USP34: variants seen among roughly 807,000 people sequenced by gnomAD.
USP34 encodes ubiquitin carboxyl-terminal hydrolase 34.
In USP34, 70 loss-of-function variants were observed where a neutral mutation model predicts 460.3. The observed-to-expected ratio is 0.15, with a 90% CI of 0.13 to 0.19. The LOEUF (loss-of-function observed/expected upper bound fraction) is 0.19. Among genes scored for constraint, USP34 ranks in the 10% least tolerant of loss-of-function variants. USP34 has a pLI of 1.00. For missense variants in USP34, 3,985 were observed against 4,236.2 expected (o/e 0.94, Z 1.65); for synonymous variants, 1,647 against 1,405.3 (o/e 1.17, Z -3.85).
intron 26 of USP34, 44 bp downstream of exon 26, chr2:61,311,740 C>T (rs373458008): frequency 1.2e-6 from 2 of 1,609,498 alleles, no homozygotes; most frequent in African/African-American, 1.3e-5. Context: ...AGATATTTGA[C>T]CTGGGAAATG....
intron 1 of USP34, among the ~76,000 whole-genome samples, chr2:61,468,648 G>A (rs1695856737): frequency 6.6e-6 from 1 of 152,162 alleles, no homozygotes; most frequent in Non-Finnish European, 1.5e-5. Flanking sequence ...GTTTCTTAGA[G>A]GGTGCACATG....
At chr2:61,194,437 T>C (rs1356569688) in intron 75 of USP34, among the ~76,000 whole-genome samples, 1 of 152,238 alleles carries the variant, frequency 6.6e-6, no homozygotes, top group Non-Finnish European at 1.5e-5. Flanking sequence ...GTTAGCAAAC[T>C]ATGGCCCTCA....
At chr2:61,469,299 G>C (rs1485128186) in intron 1 of USP34, among the ~76,000 whole-genome samples, 3 of 152,240 alleles carry the variant, frequency 2.0e-5, no homozygotes, top group African/African-American at 4.8e-5. Flanking sequence ...CAAGTTGAGC[G>C]TAACAATCAT....
chr2:61,386,878 A>C (rs1212457580), intron 5 of USP34, among the ~76,000 whole-genome samples: 3 of 152,220 alleles, frequency 2.0e-5, no homozygotes, highest in Non-Finnish European at 4.4e-5. Flanking sequence ...AACCTTAACC[A>C]TAAAGAAAAA....
At chr2:61,356,357 G>A (rs1408393818) in intron 10 of USP34, among the ~76,000 whole-genome samples, 1 of 152,074 alleles carries the variant, frequency 6.6e-6, no homozygotes, top group Non-Finnish European at 1.5e-5. Flanking sequence ...GGCACGGTGG[G>A]CATGTGCCCA....
chr2:61,257,293 T>C lies in USP34; in HGVS notation c.5902A>G (p.Lys1968Glu). 6.2e-7 allele frequency: 1 copy of C among 1,613,270 alleles called. No homozygotes were observed. Among genetic ancestry groups the C allele is most frequent in the Non-Finnish European group, 8.5e-7 (1 of 1,179,598 alleles). ...RPFCKTYTMDKQPLNTGEQKD... is the reference protein window; with the variant it reads ...RPFCKTYTMDEQPLNTGEQKD... ...TGTTCCCCAGTATTCAGAGGCTGCT[T>C]ATCCATGGTGTATGTTTTACAGAAA... Residue 1968 changes from lysine (K) to glutamate (E), a missense_variant, in exon 45 of 80, where the codon AAG becomes GAG. Around this residue, in one of 14 missense-constraint regions of USP34, gnomAD observed 145 missense variants for 291.6 expected, o/e 0.50. Coordinates refer to ENST00000398571, the MANE Select transcript of USP34 (RefSeq NM_014709.4).
chr2:61,220,151 TAAAAAAAAAAA>T (rs60784334), intron 67 of USP34, 148 bp downstream of exon 67: 33,811 of 168,858 alleles, frequency 0.2, 833 homozygotes, highest in Middle Eastern at 0.22. Context: ...TTTCCTATCC[TAAAAAAAAAAA>T]AAAAAAAAAA....
chr2:61,442,440 A>C (rs1345447843), intron 1 of USP34, among the ~76,000 whole-genome samples: 2 of 152,098 alleles, frequency 1.3e-5, no homozygotes, highest in Non-Finnish European at 2.9e-5. Context: ...CCAATTAAAA[A>C]TGCACACACA....
chr2:61,402,189 T>G (rs1383273121), intron 3 of USP34, among the ~76,000 whole-genome samples: 1 of 151,962 alleles, frequency 6.6e-6, no homozygotes, highest in Non-Finnish European at 1.5e-5. Context: ...CTGAGGTGGG[T>G]GGATCGTTTG....
intron 67 of USP34, among the ~76,000 whole-genome samples, chr2:61,215,046 C>G (rs1687359397): frequency 6.6e-6 from 1 of 152,168 alleles, no homozygotes; most frequent in South Asian, 2.1e-4. Flanking sequence ...AGTCAGAAGA[C>G]CTACCAAAAG....
intron 3 of USP34, among the ~76,000 whole-genome samples, chr2:61,397,441 TAAAAAAAAAA>T (rs35650295): frequency 7.6e-6 from 1 of 131,276 alleles, no homozygotes; most frequent in Non-Finnish European, 1.6e-5. Context: ...AGGCTCCATC[TAAAAAAAAAA>T]AAAAAAAAAT....
rs1178005687 is a variant in USP34, at chr2:61,227,081, C to G, written c.7581G>C (p.Gln2527His). ...AAACATTTCACCTTTCTGATCGAGA[C>G]TGTTCAACCAAAAGAGCAACTAAAG... ...MIALVALLVE[Q>H]SRSERHLTLS... The change falls in exon 62 of 80, where the codon CAG becomes CAC. Residue 2527 changes from glutamine (Q) to histidine (H), a missense_variant. Physicochemically the swap from Gln to His is conservative, Grantham distance 24. Around this residue, in one of 14 missense-constraint regions of USP34, gnomAD observed 604 missense variants for 684.8 expected, o/e 0.88. Transcript: ENST00000398571. The G allele has an allele frequency of 1.9e-6, 3 of 1,609,698 alleles. No homozygotes were observed. Among genetic ancestry groups the G allele is most frequent in the Non-Finnish European group, 2.5e-6 (3 of 1,179,068 alleles).
At chr2:61,193,365 T>TAAAAAAAAAGAA (rs1686696292) in intron 75 of USP34, 1 of 97,234 alleles carries the variant, frequency 1.0e-5, no homozygotes, top group African/African-American at 3.8e-5. Flanking sequence ...AGGGGAAAGG[T>TAAAAAAAAAGAA]AAAAAAAAAA....
chr2:61,380,438 A>G (rs1004457743), intron 6 of USP34, 77 bp from the exon 7 acceptor site: 1 of 1,424,240 alleles, frequency 7.0e-7, no homozygotes, highest in African/African-American at 1.4e-5. Flanking sequence ...CTTAAAATGT[A>G]CATTGTAAGC....
At chr2:61,259,121 T>C (rs1688802692) in intron 44 of USP34, among the ~76,000 whole-genome samples, 1 of 151,922 alleles carries the variant, frequency 6.6e-6, no homozygotes, top group Non-Finnish European at 1.5e-5. Context: ...TAGCCAGGCG[T>C]GGTGGTGTGC....
At chr2:61,394,085 C>A (rs1693440238) in intron 5 of USP34, among the ~76,000 whole-genome samples, 1 of 152,076 alleles carries the variant, frequency 6.6e-6, no homozygotes, top group African/African-American at 2.4e-5. Context: ...TGCACCACTG[C>A]ACTCCAGCCT....
chr2:61,191,269 T>C (rs1686633126), intron 76 of USP34: 1 of 152,282 alleles, frequency 6.6e-6, no homozygotes, highest in East Asian at 1.9e-4. Context: ...TTTCAAATAG[T>C]CATGGCTCTT....
intron 15 of USP34, among the ~76,000 whole-genome samples, chr2:61,346,881 T>G (rs1379539072): frequency 1.4e-5 from 2 of 144,152 alleles, no homozygotes; most frequent in Non-Finnish European, 3.0e-5. Context: ...CTCACACCTG[T>G]GATCCCAGCA....
chr2:61,194,571 CA>C (rs1489798281), intron 75 of USP34, among the ~76,000 whole-genome samples: 2 of 152,166 alleles, frequency 1.3e-5, no homozygotes, highest in African/African-American at 4.8e-5. Flanking sequence ...GATCACAGAT[CA>C]GGGGCAGCCT....
Sources: gnomAD v4.1 joint callset for allele counts (sites outside exome capture counted in the v4.1 genomes callset) on GRCh38, gnomAD v4.1.1 for gene constraint, gnomAD v4.1.1 regional missense constraint, MANE v1.5 for transcripts, NCBI Gene and HGNC (gene_info 2026-07-23, HGNC 2026-07-21) for gene names.